Variants in CCDC62 observed in about 807,000 individuals in gnomAD.
CCDC62 encodes coiled-coil domain containing 62.
Under a neutral mutation model 80.8 loss-of-function variants are expected in CCDC62, and 72 were observed. The observed-to-expected ratio is 0.89, with a 90% CI of 0.74 to 1.08. The LOEUF is 1.08. Ranked by LOEUF, CCDC62 falls within the 50% of genes least tolerant of loss-of-function variation. The pLI, the probability that CCDC62 is intolerant of heterozygous loss-of-function variation, is 0.00. For missense variants in CCDC62, 704 were observed against 809.4 expected (o/e 0.87, Z 1.58); for synonymous variants, 286 against 296.5 (o/e 0.96, Z 0.36).
In CCDC62 at chr12:122,806,226, C is replaced by T; in HGVS notation, c.1782C>T (p.Ser594=). 6.2e-7 allele frequency: 1 copy of T among 1,613,608 alleles called. No homozygotes were observed. Among genetic ancestry groups the T allele is most frequent in the Non-Finnish European group, 8.5e-7 (1 of 1,179,612 alleles). ...CCTTGAGAGAAGATGAGACGGAGTC[C>T]TCTTCCAATAAAAAGAACTCACCTA... is the stretch of plus-strand genomic sequence containing the variant. ...KSALREDETE[S]SSNKKNSPTS... The change falls in exon 10 of 13, where the codon TCC becomes TCT. Residue 594 remains serine, a synonymous_variant. Transcript: ENST00000253079.
rs766918355 is a variant in CCDC62, at chr12:122,788,798, G to C, written c.539G>C (p.Cys180Ser). ...IIEAVNHIAD[C>S]SGKFKMLEHA... is the part of the protein sequence containing the mutation. Reference sequence around the variant, plus strand: ...GAGGCAGTTAATCACATTGCAGATTGTTCGGGTAAATTTAAAATGCTAGAG... The same window carrying C: ...GAGGCAGTTAATCACATTGCAGATTCTTCGGGTAAATTTAAAATGCTAGAG... The change falls in exon 5 of 13, where the codon TGT (cysteine) becomes TCT (serine). Residue 180 changes from cysteine to serine, a missense_variant. By Grantham distance (112) the Cys-to-Ser change is moderately radical (BLOSUM62 -1). Transcript: ENST00000253079. 6.3e-7 allele frequency: 1 copy of C among 1,596,364 alleles called. No homozygotes were observed. The highest frequency in any genetic ancestry group is 8.5e-7 in the Non-Finnish European group (1 of 1,175,146).
At chr12:122,812,756 G>A (rs59806326) in intron 10 of CCDC62, among the ~76,000 whole-genome samples, 927 of 88,702 alleles carry the variant, frequency 0.01, 19 homozygotes, top group Non-Finnish European at 0.015. Flanking sequence ...AGAGAGGGAG[G>A]GAGAGAGAGA....
chr12:122,820,348 C>T (rs562088097), intron 11 of CCDC62, among the ~76,000 whole-genome samples: 5 of 152,300 alleles, frequency 3.3e-5, no homozygotes, highest in Non-Finnish European at 7.4e-5. Context: ...GGGCTTCCTC[C>T]TTGCCTGGAG....
At chr12:122,786,142 G>GT (rs201859771) in intron 4 of CCDC62, among the ~76,000 whole-genome samples, 1,840 of 151,848 alleles carry the variant, frequency 0.012, 41 homozygotes, top group African/African-American at 0.042. Context: ...TGCTTGAGAG[G>GT]TTTTTTTTGT....
At chr12:122,785,350 A>G (rs1172089564) in intron 3 of CCDC62, among the ~76,000 whole-genome samples, 1 of 152,224 alleles carries the variant, frequency 6.6e-6, no homozygotes, top group Admixed American at 6.5e-5. Context: ...TCTTACTAAT[A>G]CAGTTCTCAT....
At chr12:122,803,358 T>G (rs904978832) in intron 9 of CCDC62, among the ~76,000 whole-genome samples, 11 of 152,158 alleles carry the variant, frequency 7.2e-5, no homozygotes, top group Admixed American at 1.3e-4. Context: ...GAGAAGAAAA[T>G]TTAAGAGAAT....
At chr12:122,807,509 AAC>A (rs1461371454) in intron 10 of CCDC62, among the ~76,000 whole-genome samples, 2 of 144,668 alleles carry the variant, frequency 1.4e-5, no homozygotes, top group African/African-American at 5.1e-5. Context: ...CCAGCCTGGC[AAC>A]AGAGTGAGAC....
intron 3 of CCDC62, among the ~76,000 whole-genome samples, chr12:122,782,433 GGTA>G (rs1593781908): frequency 2.0e-5 from 3 of 152,116 alleles, no homozygotes; most frequent in Non-Finnish European, 4.4e-5. Context: ...ATCAAGTTTT[GGTA>G]GCCTCAATGA....
Position 122,792,680 on chromosome 12 carries a change from G to A in CCDC62, c.772+559G>A, listed in dbSNP as rs574567915. 6.6e-4 allele frequency among the ~76,000 whole-genome samples: 101 copies of A among 152,002 alleles called. 1 individual carries two copies. Among genetic ancestry groups the A allele is most frequent in the African/African-American group, 2.2e-3 (92 of 41,438 alleles). On this transcript the variant is annotated intron_variant, in intron 6 of 12. Coordinates refer to ENST00000253079, the MANE Select transcript of CCDC62 (RefSeq NM_201435.5). ...ATTACAGGCGCATGCTACCATGCCCGGCTAATTTTTATATTTTTAGTAGAG... is the reference window on the plus strand; with the variant it reads ...ATTACAGGCGCATGCTACCATGCCCAGCTAATTTTTATATTTTTAGTAGAG...
chr12:122,797,165 A>C, intron 6 of CCDC62, 142 bp from the exon 7 acceptor site: 1 of 527,406 alleles, frequency 1.9e-6, no homozygotes, highest in South Asian at 2.0e-5. Context: ...GGTGTGAGCC[A>C]CTTCGTTCAG....
chr12:122,806,092 T>G, intron 9 of CCDC62, 59 bp from the exon 10 acceptor site: 1 of 1,463,158 alleles, frequency 6.8e-7, no homozygotes, highest in South Asian at 1.3e-5. Flanking sequence ...AGTATAAGAG[T>G]GATCTATGTA....
At chr12:122,813,494 C>A in intron 11 of CCDC62, 75 bp downstream of exon 11, 1 of 1,393,024 alleles carries the variant, frequency 7.2e-7, no homozygotes, top group Non-Finnish European at 9.7e-7. Flanking sequence ...GCAAATATCA[C>A]CGGCAGGGCG....
intron 11 of CCDC62, among the ~76,000 whole-genome samples, chr12:122,818,553 T>A (rs1370353411): frequency 6.6e-6 from 1 of 150,662 alleles, no homozygotes; most frequent in Non-Finnish European, 1.5e-5. Flanking sequence ...GAGCATGAGG[T>A]CAAGGCTACA....
intron 9 of CCDC62, among the ~76,000 whole-genome samples, chr12:122,803,363 G>A (rs1418896658): frequency 6.6e-6 from 1 of 152,032 alleles, no homozygotes; most frequent in Non-Finnish European, 1.5e-5. Flanking sequence ...GAAAATTTAA[G>A]AGAATAAGGC....
chr12:122,793,406 A>G (rs1178336625), intron 6 of CCDC62, among the ~76,000 whole-genome samples: 1 of 152,166 alleles, frequency 6.6e-6, no homozygotes, highest in Non-Finnish European at 1.5e-5. Context: ...CAGGGATGTC[A>G]ACAAGCTCTC....
chr12:122,801,935 A>G (rs1260394031), intron 9 of CCDC62, 83 bp downstream of exon 9: 10 of 1,385,898 alleles, frequency 7.2e-6, no homozygotes, highest in Non-Finnish European at 9.8e-6. Context: ...AAGCCACGCC[A>G]TACCTACTAT....
chr12:122,804,567 C>T (rs957387077), intron 9 of CCDC62, among the ~76,000 whole-genome samples: 4 of 152,126 alleles, frequency 2.6e-5, no homozygotes, highest in African/African-American at 9.7e-5. Context: ...AGGAGGATCT[C>T]TTGAGTTCAG....
At chr12:122,789,209 C>T (rs1471504837) in intron 5 of CCDC62, among the ~76,000 whole-genome samples, 1 of 152,148 alleles carries the variant, frequency 6.6e-6, no homozygotes, top group Non-Finnish European at 1.5e-5. Flanking sequence ...TGCTTTGTGG[C>T]AGACAACATC....
chr12:122,775,331 CTG>C (rs567500937), intron 1 of CCDC62, among the ~76,000 whole-genome samples: 138 of 152,324 alleles, frequency 9.1e-4, no homozygotes, highest in African/African-American at 3.2e-3. Flanking sequence ...CACAACTCCA[CTG>C]TACCAAAAAG....
Sources: gnomAD v4.1 joint callset for allele counts (sites outside exome capture counted in the v4.1 genomes callset) on GRCh38, gnomAD v4.1.1 for gene constraint, MANE v1.5 for transcripts, NCBI Gene and HGNC (gene_info 2026-07-23, HGNC 2026-07-21) for gene names.